TDRD12: variants seen among roughly 807,000 people sequenced by gnomAD.
TDRD12 encodes putative ATP-dependent RNA helicase TDRD12.
A neutral mutation model predicts 133.5 loss-of-function variants in TDRD12; 158 were observed. The ratio of observed to expected loss-of-function variants is 1.18; its 90% CI spans 1.04 to 1.35. TDRD12 has a LOEUF of 1.35. Among genes scored for constraint, TDRD12 ranks in the 40% most tolerant of loss-of-function variants. The probability of loss-of-function intolerance (pLI) is 0.00; values close to 1 mark genes in which losing one functional copy is unlikely to be tolerated. For synonymous variants in TDRD12, 460 were observed against 477.9 expected, an observed-to-expected ratio of 0.96 and a Z score of 0.49; for missense variants, 1,443 against 1,321.3, an observed-to-expected ratio of 1.09 and a Z score of -1.43.
At chr19:32,826,259 A>G, downstream of TDRD12, 1 of 1,469,140 alleles carries the variant, frequency 6.8e-7, no homozygotes, top group Non-Finnish European at 9.0e-7. Flanking sequence ...ACCCACAAAT[A>G]AAATGGTTCC....
downstream of TDRD12, chr19:32,829,394 T>C (rs902168447): frequency 6.6e-6 from 1 of 152,266 alleles, no homozygotes; most frequent in Admixed American, 6.5e-5. Context: ...ATGCTGATTA[T>C]GTGAACAATT....
chr19:32,767,680 G>A (rs1970337406), intron 8 of TDRD12, among the ~76,000 whole-genome samples: 1 of 152,156 alleles, frequency 6.6e-6, no homozygotes, highest in Non-Finnish European at 1.5e-5. Context: ...TAGCTGGGGG[G>A]CAGGGAGAAG....
rs535481366 is a variant in TDRD12, at chr19:32,810,333, G to C, written c.2837+56G>C. 2.2e-6 allele frequency: 3 copies of C among 1,387,674 alleles called. No individual in the cohort carries two copies. The African/African-American group carries it at 4.4e-5, about 20-fold the overall frequency. The allele number at this position is 1,387,674 out of a possible 1,614,324, so 86.0% of individuals were successfully genotyped here. A position where few individuals can be genotyped will look rare whatever the true frequency, so the allele number is the denominator to read the frequency against. On this transcript the variant is annotated intron_variant, in intron 23 of 27. Coordinates refer to ENST00000444215, the Ensembl canonical transcript of TDRD12. ...TTTTGAAGCATGAGGTAACTAAGTG[G>C]TGTTGAGTTCCGATTTTGACCTCTG...
At chr19:32,758,808 G>T (rs1568462645) in intron 8 of TDRD12, among the ~76,000 whole-genome samples, 2 of 151,974 alleles carry the variant, frequency 1.3e-5, no homozygotes, top group South Asian at 4.2e-4. Flanking sequence ...GGTTGCACAT[G>T]CCTGTAGTCC....
intron 6 of TDRD12, among the ~76,000 whole-genome samples, chr19:32,750,360 G>A (rs1261004858): frequency 1.3e-5 from 2 of 152,176 alleles, no homozygotes; most frequent in Non-Finnish European, 2.9e-5. Context: ...CTCAGCACCA[G>A]GCAGAGGTGG....
downstream of TDRD12, chr19:32,826,032 A>ATG (rs1555779500): frequency 3.6e-5 from 43 of 1,188,724 alleles, no homozygotes; most frequent in South Asian, 2.0e-4. Context: ...GTATATATAT[A>ATG]TGTGTGTACA....
chr19:32,725,668 T>C (rs1410186858), intron 1 of TDRD12, among the ~76,000 whole-genome samples: 2 of 152,204 alleles, frequency 1.3e-5, no homozygotes, highest in African/African-American at 2.4e-5. Context: ...AGCTTTATTC[T>C]TTTTGCTTAG....
In TDRD12 at chr19:32,827,357, T is replaced by TTTTC. The variant is rs1555779714; in HGVS notation, c.*194_*195insCTTT. The TTTTC allele has an allele frequency of 2.4e-3, 869 of 363,792 alleles. 16 individuals carry two copies. The African/African-American group carries it at 0.027, about 11-fold the overall frequency. 22.5% of individuals were successfully genotyped at this position (363,792 alleles called of 1,614,324 possible). On this transcript the variant is annotated 3_prime_UTR_variant, in exon 10 of 10. Transcript: ENST00000637289. ...GAAAACAGTCAGTCATAACCAAATC[T>TTTTC]TTTTCTTTTCTTTTCTTTTTTTTTT...
At chr19:32,826,863 C>T (rs993176388) in intron 9 of TDRD12, 114 bp downstream of exon 32, 70 of 641,592 alleles carry the variant, frequency 1.1e-4, no homozygotes, top group Non-Finnish European at 1.4e-4. Flanking sequence ...CATGTCAAGC[C>T]CTGAGAAATC....
intron 8 of TDRD12, among the ~76,000 whole-genome samples, chr19:32,757,411 G>A (rs1162439793): frequency 6.6e-6 from 1 of 152,164 alleles, no homozygotes; most frequent in Non-Finnish European, 1.5e-5. Flanking sequence ...TCTGTCCCTA[G>A]AGTGTACATA....
intron 22 of TDRD12, among the ~76,000 whole-genome samples, chr19:32,808,229 T>C (rs1321481018): frequency 2.0e-5 from 3 of 152,234 alleles, no homozygotes. Flanking sequence ...TCATTTCTTT[T>C]TGAGCATACA....
At position 32,731,791 on chromosome 19, in the gene TDRD12, G is replaced by A. The variant is rs937793522; in HGVS notation, c.91G>A (p.Asp31Asn). The A allele has an allele frequency of 8.8e-5, 137 of 1,550,990 alleles. No homozygotes were observed. Among genetic ancestry groups the A allele is most frequent in the Middle Eastern group, 1.7e-4 (1 of 5,954 alleles). The change falls in exon 2 of 28, where the codon GAT (aspartate) becomes AAT (asparagine). Residue 31 changes from aspartate to asparagine, a missense_variant. Coordinates refer to ENST00000444215, the Ensembl canonical transcript of TDRD12. Reference sequence around the variant, plus strand: ...TAGTCCCTTTTTAGATCATGATGTCGATTATCAAAAATTAAATAGTGCCAT... The same window carrying A: ...TAGTCCCTTTTTAGATCATGATGTCAATTATCAAAAATTAAATAGTGCCAT...
At chr19:32,780,755 A>G (rs1050951987) in intron 11 of TDRD12, among the ~76,000 whole-genome samples, 17 of 148,154 alleles carry the variant, frequency 1.1e-4, no homozygotes, top group Non-Finnish European at 1.5e-4. Context: ...CTTTTGGTTT[A>G]CCTGAAGTTA....
chr19:32,751,868 T>C (rs1376633513), intron 6 of TDRD12, among the ~76,000 whole-genome samples: 1 of 151,942 alleles, frequency 6.6e-6, no homozygotes, highest in African/African-American at 2.4e-5. Context: ...TTTTAATTTT[T>C]ATTATTTATT....
chr19:32,747,060 C>G (rs1456227662), intron 4 of TDRD12, among the ~76,000 whole-genome samples: 1 of 134,546 alleles, frequency 7.4e-6, no homozygotes, highest in Non-Finnish European at 1.6e-5. Context: ...GGTGGTTATT[C>G]TGTGTGTGTG....
intron 22 of TDRD12, among the ~76,000 whole-genome samples, chr19:32,807,912 C>T (rs1388075183): frequency 6.6e-6 from 1 of 151,914 alleles, no homozygotes; most frequent in African/African-American, 2.4e-5. Flanking sequence ...GAAAATGTTT[C>T]TATTTGGGGG....
At chr19:32,821,992 G>T (rs768548270), downstream of TDRD12, among the ~76,000 whole-genome samples, 4 of 152,114 alleles carry the variant, frequency 2.6e-5, no homozygotes, top group Non-Finnish European at 5.9e-5. Flanking sequence ...TGGTGGGGGG[G>T]CACCTGTAAT....
chr19:32,719,828 C>T (rs1036696579), exon 1 of TDRD12: 33 of 577,420 alleles, frequency 5.7e-5, no homozygotes, highest in South Asian at 4.6e-4. Context: ...AGGCAGGGAT[C>T]CCGCAGCGAG....
At chr19:32,728,811 AT>A (rs34126241) in intron 1 of TDRD12, among the ~76,000 whole-genome samples, 56,280 of 115,646 alleles carry the variant, frequency 0.49, 12,167 homozygotes, top group East Asian at 0.75. Flanking sequence ...ACACCTGGCT[AT>A]TTTTTTTTTT....
Sources: gnomAD v4.1 joint callset for allele counts (sites outside exome capture counted in the v4.1 genomes callset) on GRCh38, gnomAD v4.1.1 for gene constraint, MANE v1.5 for transcripts, NCBI Gene and HGNC (gene_info 2026-07-23, HGNC 2026-07-21) for gene names.